The following OSBPL3 variants were observed in gnomAD, a reference collection of about 807,000 sequenced individuals.
The protein encoded by OSBPL3 is oxysterol-binding protein-related protein 3.
Under a neutral mutation model 120.1 loss-of-function variants are expected in OSBPL3, and 65 were observed. The ratio of observed to expected loss-of-function variants is 0.54; its 90% CI spans 0.44 to 0.67. OSBPL3 has a LOEUF of 0.67. OSBPL3 is among the 30% of genes least tolerant of loss of function. The probability of loss-of-function intolerance (pLI) is 0.00; values close to 1 mark genes in which losing one functional copy is unlikely to be tolerated. For missense variants in OSBPL3, 1,004 were observed against 1,082.1 expected (o/e 0.93, Z 1.01); for synonymous variants, 416 against 402.6 (o/e 1.03, Z -0.40).
chr7:24,928,258 C>A (rs957737169), intron 1 of OSBPL3, among the ~76,000 whole-genome samples: 1 of 148,102 alleles, frequency 6.8e-6, no homozygotes, highest in South Asian at 2.1e-4. Flanking sequence ...GCAGCACGAT[C>A]TCAGCTCACT....
In OSBPL3 at chr7:24,819,172, G is replaced by A. The variant is rs1037858672; in HGVS notation, c.1948+1003C>T. 2.0e-5 allele frequency among the ~76,000 whole-genome samples: 3 copies of A among 149,080 alleles called. No homozygotes were observed. Among genetic ancestry groups the A allele is most frequent in the South Asian group, 2.1e-4 (1 of 4,738 alleles). On this transcript the variant is annotated intron_variant, in intron 17 of 22. Transcript: ENST00000313367. The surrounding 1 kb of genome is among the most constrained non-coding windows in gnomAD (Gnocchi z 4.1). ...GGAGGCTGAGACAGGAGAATCACTT[G>A]AACACGGGAGACGGAGGTTGCAGTG...
At chr7:24,925,692 T>C (rs1255551918) in intron 1 of OSBPL3, among the ~76,000 whole-genome samples, 2 of 152,206 alleles carry the variant, frequency 1.3e-5, no homozygotes, top group African/African-American at 2.4e-5. Flanking sequence ...CTTTTCTCTA[T>C]CACTGTAGCA....
In OSBPL3 at chr7:24,955,105, G is replaced by A. The variant is rs1283389322; in HGVS notation, c.-150+24781C>T. Among the ~76,000 whole-genome samples the A allele has an allele frequency of 6.6e-6, 1 of 152,054 alleles. No homozygotes were observed. The stretch of plus-strand genomic sequence containing the variant: ...CTTATCTCAAGTTTCATGAAAGCAG[G>A]GATTTTCTTTTGTTCACTACTATAC... On this transcript the variant is annotated intron_variant, in intron 1 of 22. Transcript: ENST00000313367. This position sits in a 1 kb window ranked among gnomAD's most constrained non-coding sequence, Gnocchi z 4.3.
intron 12 of OSBPL3, among the ~76,000 whole-genome samples, chr7:24,843,814 A>C (rs1798070755): frequency 6.6e-6 from 1 of 152,202 alleles, no homozygotes; most frequent in East Asian, 1.9e-4. Context: ...CTCTCTCCTC[A>C]AAAGAGCCAG....
upstream of OSBPL3, among the ~76,000 whole-genome samples, chr7:24,980,355 A>C (rs1011203495): frequency 1.3e-5 from 2 of 151,824 alleles, no homozygotes; most frequent in Non-Finnish European, 2.9e-5. Flanking sequence ...TCCTCGGAAG[A>C]AGCCAGCGGA....
intron 20 of OSBPL3, among the ~76,000 whole-genome samples, chr7:24,807,154 G>A (rs2128106486): frequency 6.6e-6 from 1 of 152,334 alleles, no homozygotes; most frequent in South Asian, 2.1e-4. Flanking sequence ...ACAATGCTGT[G>A]AAGTTTCTGT....
rs779614098 is a variant in OSBPL3, at chr7:24,796,558, A to G, written c.*3625T>C. On this transcript the variant is annotated 3_prime_UTR_variant, in exon 23 of 23. Coordinates refer to ENST00000313367, the MANE Select transcript of OSBPL3 (RefSeq NM_015550.4). This position sits in a 1 kb window ranked among gnomAD's most constrained non-coding sequence, Gnocchi z 5.2. Reference sequence around the variant, plus strand: ...AGTGGCCTTTTTTTCCATGTTATTTATTCACATTCAACTAGCTACATGAGG... The same window carrying G: ...AGTGGCCTTTTTTTCCATGTTATTTGTTCACATTCAACTAGCTACATGAGG... 6.6e-6 allele frequency: 1 copy of G among 152,148 alleles called. No individual in the cohort carries two copies. 9.4% of individuals were successfully genotyped at this position (152,148 alleles called of 1,614,324 possible). A position where few individuals can be genotyped will look rare whatever the true frequency, so the allele number is the denominator to read the frequency against.
At position 24,827,838 on chromosome 7, in the gene OSBPL3, C is replaced by A. The variant is rs544734010; in HGVS notation, c.1884+2930G>T. Among the ~76,000 whole-genome samples the A allele has an allele frequency of 2.1e-3, 317 of 152,270 alleles. 1 individual carries two copies. Among genetic ancestry groups the A allele is most frequent in the Non-Finnish European group, 3.9e-3 (264 of 68,028 alleles). ...GTGAGAACTCCTGGCTGCCTGACAG[C>A]CATTTTCTGTCAGAGACTCACCAGC... On this transcript the variant is annotated intron_variant, in intron 16 of 22. Coordinates refer to ENST00000313367, the MANE Select transcript of OSBPL3 (RefSeq NM_015550.4). This position sits in a 1 kb window ranked among gnomAD's most constrained non-coding sequence, Gnocchi z 5.1.
chr7:24,830,983 A>C lies in OSBPL3; in HGVS notation c.1747-78T>G. On this transcript the variant is annotated intron_variant, in intron 15 of 22. Coordinates refer to ENST00000313367, the MANE Select transcript of OSBPL3 (RefSeq NM_015550.4). The surrounding 1 kb of genome is among the most constrained non-coding windows in gnomAD (Gnocchi z 4.4). Reference sequence around the variant, plus strand: ...TGTTCACAAAGAACTAAACAAAATAAAACCTCTATGATTTTCTTTCAGAAA... The same window carrying C: ...TGTTCACAAAGAACTAAACAAAATACAACCTCTATGATTTTCTTTCAGAAA... The C allele has an allele frequency of 7.3e-7, 1 of 1,366,412 alleles. No homozygotes were observed. The highest frequency in any genetic ancestry group is 9.7e-7 in the Non-Finnish European group (1 of 1,025,714). The allele number at this position is 1,366,412 out of a possible 1,614,324, so 84.6% of individuals were successfully genotyped here.
Position 24,852,674 on chromosome 7 carries a change from ATAAT to A in OSBPL3, c.1028-44_1028-41del, listed in dbSNP as rs1799307228. 7.3e-7 allele frequency: 1 copy of A among 1,371,768 alleles called. No homozygotes were observed. Among genetic ancestry groups the A allele is most frequent in the Non-Finnish European group, 9.8e-7 (1 of 1,015,832 alleles). 85.0% of individuals were successfully genotyped at this position (1,371,768 alleles called of 1,614,324 possible). ...TCATTATAAAAAGGAATAAGGAGGC[ATAAT>A]TAAAAACAAAATACAGAAAAAAACA... On this transcript the variant is annotated intron_variant, in intron 10 of 22. Coordinates refer to ENST00000313367, the MANE Select transcript of OSBPL3 (RefSeq NM_015550.4). The surrounding 1 kb of genome is among the most constrained non-coding windows in gnomAD (Gnocchi z 4.1).
At chr7:24,853,756 C>T (rs752028573) in intron 10 of OSBPL3, among the ~76,000 whole-genome samples, 1 of 152,002 alleles carries the variant, frequency 6.6e-6, no homozygotes, top group Non-Finnish European at 1.5e-5. Flanking sequence ...AAAGTGAAAG[C>T]GTGTGTGTGT....
intron 2 of OSBPL3, among the ~76,000 whole-genome samples, chr7:24,880,119 T>G (rs914638457): frequency 3.3e-5 from 5 of 152,228 alleles, no homozygotes; most frequent in South Asian, 2.1e-4. Flanking sequence ...TGGTAGTGAT[T>G]ATAGTTATAA....
chr7:24,806,823 T>G lies in OSBPL3; in HGVS notation c.2397A>C (p.Ser799=), dbSNP rs1193582012. Residue 799 remains serine (S), a synonymous_variant, in exon 21 of 23, where the codon TCA becomes TCC. Coordinates refer to ENST00000313367, the MANE Select transcript of OSBPL3 (RefSeq NM_015550.4). This position sits in a 1 kb window ranked among gnomAD's most constrained non-coding sequence, Gnocchi z 5.2. ...ALELNEMDPS[S]KSLLPPTDTR... ...TGTCAGTAGGTGGCAATAAAGACTT[T>G]GATGATGGATCCATTTCATTTAATT... 1 of 1,613,862 alleles carries G rather than the reference T, an allele frequency of 6.2e-7. No homozygotes were observed. Among genetic ancestry groups the G allele is most frequent in the Non-Finnish European group, 8.5e-7 (1 of 1,179,836 alleles).
Position 24,935,595 on chromosome 7 carries a change from T to A in OSBPL3, c.-149-42974A>T, listed in dbSNP as rs1812312471. Among the ~76,000 whole-genome samples the A allele has an allele frequency of 2.6e-5, 4 of 152,282 alleles. No homozygotes were observed. The South Asian group carries it at 6.2e-4, about 24-fold the overall frequency. On this transcript the variant is annotated intron_variant, in intron 1 of 22. Coordinates refer to ENST00000313367, the MANE Select transcript of OSBPL3 (RefSeq NM_015550.4). The stretch of plus-strand genomic sequence containing the variant: ...ATATACTTCAGTTATACAATTTAGA[T>A]TATAAAGTATGCTTATATCTAAAAA...
At chr7:24,887,448 C>T (rs1484892100) in intron 2 of OSBPL3, among the ~76,000 whole-genome samples, 2 of 152,160 alleles carry the variant, frequency 1.3e-5, no homozygotes, top group South Asian at 2.1e-4. Flanking sequence ...GCAGCTCATC[C>T]GTAATTATAC....
rs1795199840 is a variant in OSBPL3, at chr7:24,822,101, T to G, written c.1885-1863A>C. On this transcript the variant is annotated intron_variant, in intron 16 of 22. Transcript: ENST00000313367. The surrounding 1 kb of genome is among the most constrained non-coding windows in gnomAD (Gnocchi z 5.8). ...GTTGCCCAGACTGGTCCGGAACTCC[T>G]GGCCTCAAGTGATCTTCCCACCTCA... Among the ~76,000 whole-genome samples, 1 of 152,158 alleles carries G rather than the reference T, an allele frequency of 6.6e-6. No homozygotes were observed. The highest frequency in any genetic ancestry group is 2.1e-4 in the South Asian group (1 of 4,826).
rs1791881417 is a variant in OSBPL3 at position 24,797,833 on chromosome 7, G to A, written c.*2350C>T. The A allele has an allele frequency of 6.6e-6, 1 of 152,174 alleles. No homozygotes were observed. Among genetic ancestry groups the A allele is most frequent in the East Asian group, 1.9e-4 (1 of 5,182 alleles). 9.4% of individuals were successfully genotyped at this position (152,174 alleles called of 1,614,324 possible). Reference sequence around the variant, plus strand: ...GTCCAGAAAATTAAATTCTACCTTGGTTCTTCCCAAATGATGCCACGTTTC... The same window carrying A: ...GTCCAGAAAATTAAATTCTACCTTGATTCTTCCCAAATGATGCCACGTTTC... On this transcript the variant is annotated 3_prime_UTR_variant, in exon 23 of 23. Transcript: ENST00000313367. The surrounding 1 kb of genome is among the most constrained non-coding windows in gnomAD (Gnocchi z 4.8).
chr7:24,904,845 G>T (rs990928519), intron 1 of OSBPL3, among the ~76,000 whole-genome samples: 3 of 151,880 alleles, frequency 2.0e-5, no homozygotes, highest in Non-Finnish European at 2.9e-5. Context: ...TCAGGGGCTG[G>T]GGGGAGGGGA....
intron 14 of OSBPL3, among the ~76,000 whole-genome samples, chr7:24,836,016 G>A (rs772862111): frequency 5.3e-5 from 8 of 151,898 alleles, no homozygotes; most frequent in African/African-American, 9.7e-5. Context: ...AGCAACCACC[G>A]TGACATGCAA....
Sources: allele counts gnomAD v4.1 joint callset (sites outside exome capture counted in the v4.1 genomes callset), GRCh38; gene constraint gnomAD v4.1.1; non-coding constraint Gnocchi (gnomAD v3.1); transcripts MANE v1.5; gene names NCBI Gene and HGNC (gene_info 2026-07-23, HGNC 2026-07-21).